PIKFYVE: variants seen among roughly 807,000 people sequenced by gnomAD.
The protein encoded by PIKFYVE is 1-phosphatidylinositol 3-phosphate 5-kinase.
PIKFYVE carries 122 observed loss-of-function variants against 257.9 expected under a neutral mutation model. That is an observed-to-expected ratio of 0.47 (90% CI 0.41 to 0.55). PIKFYVE has a LOEUF of 0.55. PIKFYVE is among the 20% of genes least tolerant of loss of function. PIKFYVE has a pLI of 0.00. For missense variants in PIKFYVE, 2,160 were observed against 2,536.6 expected (o/e 0.85, Z 3.19); for synonymous variants, 892 against 868.9 (o/e 1.03, Z -0.47).
chr2:208,277,166 A>G (rs375029281), intron 4 of PIKFYVE, among the ~76,000 whole-genome samples: 2 of 152,266 alleles, frequency 1.3e-5, no homozygotes, highest in East Asian at 1.9e-4. Flanking sequence ...CCAGTTGGAT[A>G]TAGTACCATT....
intron 5 of PIKFYVE, among the ~76,000 whole-genome samples, chr2:208,284,372 C>T (rs986412680): frequency 1.3e-5 from 2 of 151,574 alleles, no homozygotes; most frequent in Non-Finnish European, 2.9e-5. Context: ...GCGATTCTCC[C>T]ACCGCAGCCT....
chr2:208,322,089 A>G (rs570142616), intron 17 of PIKFYVE, among the ~76,000 whole-genome samples: 21 of 152,280 alleles, frequency 1.4e-4, no homozygotes, highest in African/African-American at 4.3e-4. Context: ...TAACCATACT[A>G]AAACAACTTA....
chr2:208,290,579 C>A (rs965469967), intron 7 of PIKFYVE, among the ~76,000 whole-genome samples: 8 of 152,302 alleles, frequency 5.3e-5, no homozygotes, highest in Admixed American at 2.0e-4. Context: ...GTTATAACAT[C>A]TGAGTATAGG....
intron 12 of PIKFYVE, among the ~76,000 whole-genome samples, chr2:208,308,801 G>A (rs569182747): frequency 2.0e-5 from 3 of 150,806 alleles, no homozygotes; most frequent in East Asian, 2.0e-4. Flanking sequence ...TCCGCCTTCC[G>A]GGTTAAAGTG....
chr2:208,333,519 A>G (rs766166923), intron 24 of PIKFYVE, 26 bp downstream of exon 24: 30 of 1,601,110 alleles, frequency 1.9e-5, no homozygotes, highest in Middle Eastern at 1.7e-4. Context: ...AATCTTGTGC[A>G]TGATCTCAGA....
intron 12 of PIKFYVE, chr2:208,305,391 C>T: frequency 9.1e-7 from 1 of 1,100,564 alleles, no homozygotes; most frequent in East Asian, 6.6e-5. Flanking sequence ...TTTGCCTTTG[C>T]CGTTACCCAG....
intron 5 of PIKFYVE, 143 bp downstream of exon 5, chr2:208,277,851 C>A: frequency 1.3e-6 from 1 of 764,510 alleles, no homozygotes; most frequent in Non-Finnish European, 2.2e-6. Context: ...GACAGCTTTG[C>A]TTTTAAGAAC....
intron 31 of PIKFYVE, among the ~76,000 whole-genome samples, chr2:208,341,228 G>A (rs556630190): frequency 5.7e-4 from 86 of 151,978 alleles, no homozygotes; most frequent in Middle Eastern, 3.4e-3. Context: ...GGCTGCTCTC[G>A]AACTCCTGAC....
chr2:208,317,928 T>A lies in PIKFYVE; in HGVS notation c.2069T>A (p.Ile690Asn), dbSNP rs1427907593. 1 of 1,613,648 alleles carries A rather than the reference T, an allele frequency of 6.2e-7. No homozygotes were observed. The highest frequency in any genetic ancestry group is 8.5e-7 in the Non-Finnish European group (1 of 1,179,654). Residue 690 changes from isoleucine to asparagine, a missense_variant, in exon 16 of 42, where the codon ATT becomes AAT. Ile to Asn is a moderately radical substitution (Grantham distance 149). Around this residue, in one of 12 missense-constraint regions of PIKFYVE, gnomAD observed 346 missense variants for 365.6 expected, o/e 0.95. Coordinates refer to ENST00000264380, the MANE Select transcript of PIKFYVE (RefSeq NM_015040.4). ...VVNGFVCTKN[I>N]AHKKMSSCIK... The stretch of plus-strand genomic sequence containing the variant: ...AATGGCTTTGTTTGTACCAAGAACA[T>A]TGCACATAAAAAGGTAATGTGATTC...
At chr2:208,288,193 A>G (rs1376232786) in intron 6 of PIKFYVE, among the ~76,000 whole-genome samples, 1 of 152,160 alleles carries the variant, frequency 6.6e-6, no homozygotes, top group African/African-American at 2.4e-5. Context: ...CTAATTGCTT[A>G]ATGTTCATTC....
chr2:208,281,425 A>G (rs1195259448), intron 5 of PIKFYVE, among the ~76,000 whole-genome samples: 1 of 152,136 alleles, frequency 6.6e-6, no homozygotes, highest in Non-Finnish European at 1.5e-5. Flanking sequence ...CCATACCTTC[A>G]TTATCCATTC....
intron 12 of PIKFYVE, among the ~76,000 whole-genome samples, chr2:208,306,160 G>C (rs181223471): frequency 1.2e-3 from 182 of 152,286 alleles, no homozygotes; most frequent in Middle Eastern, 3.4e-3. Context: ...AAAGGAATAT[G>C]TTATTTAAAA....
chr2:208,324,372 T>C, intron 18 of PIKFYVE, 90 bp downstream of exon 18: 1 of 1,342,138 alleles, frequency 7.5e-7, no homozygotes, highest in Non-Finnish European at 1.1e-6. Context: ...GAATCTTTTT[T>C]TCTTTGCTGT....
intron 1 of PIKFYVE, among the ~76,000 whole-genome samples, 199 bp from the exon 2 acceptor site, chr2:208,271,312 T>C (rs894740240): frequency 6.6e-6 from 1 of 152,222 alleles, no homozygotes; most frequent in African/African-American, 2.4e-5. Flanking sequence ...ATCATAGTTG[T>C]AGATGATTGG....
At chr2:208,266,241 TGG>T (rs56889195), upstream of PIKFYVE, 6 of 151,438 alleles carry the variant, frequency 4.0e-5, no homozygotes, top group South Asian at 2.1e-4. Context: ...GGCGGAGTCT[TGG>T]GGGGGGGAAG....
chr2:208,349,896 G>A (rs1699610176), intron 35 of PIKFYVE, 128 bp from the exon 36 acceptor site: 1 of 1,358,408 alleles, frequency 7.4e-7, no homozygotes, highest in Non-Finnish European at 1.0e-6. Context: ...GCTTGATAGT[G>A]ACTTGAGTAG....
At chr2:208,281,366 T>G (rs1359744420) in intron 5 of PIKFYVE, among the ~76,000 whole-genome samples, 1 of 152,210 alleles carries the variant, frequency 6.6e-6, no homozygotes, top group African/African-American at 2.4e-5. Flanking sequence ...AGTGGGCCCA[T>G]GTCAGTAAAT....
At chr2:208,266,213 G>A (rs889480541), upstream of PIKFYVE, 2 of 146,620 alleles carry the variant, frequency 1.4e-5, no homozygotes, top group Non-Finnish European at 3.0e-5. Context: ...TTTCGGACTG[G>A]GGGACAGGAA....
chr2:208,296,761 T>A (rs1234125914), intron 7 of PIKFYVE, among the ~76,000 whole-genome samples: 1 of 151,916 alleles, frequency 6.6e-6, no homozygotes, highest in South Asian at 2.1e-4. Context: ...ATTAGTCAAG[T>A]GGAGAAAGTT....
Sources: allele counts gnomAD v4.1 joint callset (sites outside exome capture counted in the v4.1 genomes callset), GRCh38; gene constraint gnomAD v4.1.1; regional missense constraint gnomAD v4.1.1; transcripts MANE v1.5; gene names NCBI Gene and HGNC (gene_info 2026-07-23, HGNC 2026-07-21).